ITGB8: variants seen among roughly 807,000 people sequenced by gnomAD.
The protein encoded by ITGB8 is integrin subunit beta 8.
Under a neutral mutation model 89.5 loss-of-function variants are expected in ITGB8, and 30 were observed. That is an observed-to-expected ratio of 0.34 (90% CI 0.25 to 0.45). The LOEUF (loss-of-function observed/expected upper bound fraction) is 0.45. Ranked by LOEUF, ITGB8 falls within the 20% of genes least tolerant of loss-of-function variation. The pLI, the probability that ITGB8 is intolerant of heterozygous loss-of-function variation, is 1.00. For missense variants in ITGB8, 836 were observed against 933.3 expected (o/e 0.90, Z 1.36); for synonymous variants, 335 against 320.4 (o/e 1.05, Z -0.49).
chr7:20,389,375 C>T (rs1050793849), intron 6 of ITGB8, among the ~76,000 whole-genome samples: 1 of 152,100 alleles, frequency 6.6e-6, no homozygotes, highest in East Asian at 1.9e-4. Context: ...CTCTAATGAC[C>T]ACGACTGATC....
At chr7:20,361,851 C>A (rs1785515136) in intron 1 of ITGB8, among the ~76,000 whole-genome samples, 1 of 152,156 alleles carries the variant, frequency 6.6e-6, no homozygotes, top group African/African-American at 2.4e-5. Context: ...GTAAAGGAAG[C>A]ACAAAATATT....
At chr7:20,336,835 G>A (rs1275679190) in intron 1 of ITGB8, among the ~76,000 whole-genome samples, 1 of 152,188 alleles carries the variant, frequency 6.6e-6, no homozygotes, top group Non-Finnish European at 1.5e-5. Context: ...TCTTCACAAA[G>A]TATCTGGAGT....
intron 1 of ITGB8, 67 bp downstream of exon 1, chr7:20,332,000 GCCCGGCCAGAGCAT>G: frequency 6.4e-7 from 1 of 1,567,770 alleles, no homozygotes; most frequent in Non-Finnish European, 8.6e-7. Context: ...ACGAAGAGCT[GCCCGGCCAGAGCAT>G]CCCGGCCAGG....
chr7:20,388,997 C>T (rs920879982), intron 6 of ITGB8, among the ~76,000 whole-genome samples: 32 of 152,144 alleles, frequency 2.1e-4, no homozygotes, highest in African/African-American at 6.8e-4. Context: ...CATAGTATTC[C>T]GTGGTGTATA....
chr7:20,390,925 A>G (rs77463394), intron 6 of ITGB8, among the ~76,000 whole-genome samples: 2,805 of 152,134 alleles, frequency 0.018, 36 homozygotes, highest in Non-Finnish European at 0.028. Context: ...CATGTTATAT[A>G]TCAAATGTGT....
At chr7:20,389,831 T>C (rs1786780896) in intron 6 of ITGB8, among the ~76,000 whole-genome samples, 1 of 68,230 alleles carries the variant, frequency 1.5e-5, no homozygotes, top group African/African-American at 4.4e-5. Flanking sequence ...GAATTTGTGT[T>C]TTTGGAGTTT....
intron 1 of ITGB8, among the ~76,000 whole-genome samples, chr7:20,341,102 C>A (rs565552348): frequency 1.3e-5 from 2 of 152,166 alleles, no homozygotes; most frequent in African/African-American, 4.8e-5. Context: ...ACTATTGTAG[C>A]AGAACTGCAT....
At chr7:20,359,668 GGAGA>G (rs985806452) in intron 1 of ITGB8, among the ~76,000 whole-genome samples, 3 of 143,650 alleles carry the variant, frequency 2.1e-5, no homozygotes, top group South Asian at 2.1e-4. Context: ...GGGGAGGGAA[GGAGA>G]GAGAGTGTGT....
At chr7:20,371,641 CTATAAG>C (rs1027037742) in intron 3 of ITGB8, among the ~76,000 whole-genome samples, 3 of 152,094 alleles carry the variant, frequency 2.0e-5, no homozygotes, top group African/African-American at 4.8e-5. Context: ...TCTATATAGT[CTATAAG>C]TATAACAAAG....
chr7:20,409,947 A>G lies in ITGB8; in HGVS notation c.2260A>G (p.Met754Val), dbSNP rs1394965178. Reference protein sequence around the residue: ...YRREKPEEIKMDISKLNAHET... With the variant: ...YRREKPEEIKVDISKLNAHET... Reference sequence around the variant, plus strand: ...ACGTGAGAAGCCTGAAGAAATAAAAATGGATATCAGCAAATTAAATGCTCA... The same window carrying G: ...ACGTGAGAAGCCTGAAGAAATAAAAGTGGATATCAGCAAATTAAATGCTCA... The change falls in exon 14 of 14, where the codon ATG (methionine) becomes GTG (valine). Residue 754 changes from methionine to valine, a missense_variant. Met to Val is a conservative substitution (Grantham distance 21, BLOSUM62 1). Coordinates refer to ENST00000222573, the MANE Select transcript of ITGB8 (RefSeq NM_002214.3). 1 of 1,613,510 alleles carries G rather than the reference A, an allele frequency of 6.2e-7. No homozygotes were observed. The highest frequency in any genetic ancestry group is 2.2e-5 in the East Asian group (1 of 44,892).
In ITGB8 at chr7:20,413,011, G is replaced by C. The variant is rs1787816703; in HGVS notation, c.*3014G>C. On this transcript the variant is annotated 3_prime_UTR_variant, in exon 14 of 14. Coordinates refer to ENST00000222573, the MANE Select transcript of ITGB8 (RefSeq NM_002214.3). ...ATTTTTGTGCCCTAAAGTATGTAAT[G>C]ATTTATAAATGTGCCATACATACAC... 2 of 152,278 alleles carry C rather than the reference G, an allele frequency of 1.3e-5. No homozygotes were observed. Among genetic ancestry groups the C allele is most frequent in the African/African-American group, 4.8e-5 (2 of 41,416 alleles). The allele number at this position is 152,278 out of a possible 1,614,324, so 9.4% of individuals were successfully genotyped here.
chr7:20,411,358 T>C lies in ITGB8; in HGVS notation c.*1361T>C, dbSNP rs1787755778. ...TTAGTAGAGACGGGGTTTTGCCATG[T>C]TGGACAGGTTGATCTCAAACTCCTG... On this transcript the variant is annotated 3_prime_UTR_variant, in exon 14 of 14. Coordinates refer to ENST00000222573, the MANE Select transcript of ITGB8 (RefSeq NM_002214.3). 1.3e-5 allele frequency: 2 copies of C among 152,200 alleles called. No homozygotes were observed. The highest frequency in any genetic ancestry group is 2.4e-5 in the African/African-American group (1 of 41,396). 9.4% of individuals were successfully genotyped at this position (152,200 alleles called of 1,614,324 possible). A position where few individuals can be genotyped will look rare whatever the true frequency, so the allele number is the denominator to read the frequency against.
At chr7:20,382,071 A>G (rs1412703762) in intron 6 of ITGB8, 186 bp downstream of exon 6, 5 of 464,558 alleles carry the variant, frequency 1.1e-5, no homozygotes, top group African/African-American at 1.0e-4. Flanking sequence ...AAATATATGA[A>G]TAAAACAGTT....
rs1787708907 is a variant in ITGB8 at position 20,410,131 on chromosome 7, G to A, written c.*134G>A. On this transcript the variant is annotated 3_prime_UTR_variant, in exon 14 of 14. Coordinates refer to ENST00000222573, the MANE Select transcript of ITGB8 (RefSeq NM_002214.3). Reference sequence around the variant, plus strand: ...GTTGCTGGTTGTACACTCGAACGAAGACTGACAAGTATCCTCATCATGATG... The same window carrying A: ...GTTGCTGGTTGTACACTCGAACGAAAACTGACAAGTATCCTCATCATGATG... 7.4e-6 allele frequency: 6 copies of A among 813,810 alleles called. No homozygotes were observed. Among genetic ancestry groups the A allele is most frequent in the Non-Finnish European group, 1.2e-5 (6 of 513,356 alleles). 50.4% of individuals were successfully genotyped at this position (813,810 alleles called of 1,614,324 possible). A position where few individuals can be genotyped will look rare whatever the true frequency, so the allele number is the denominator to read the frequency against.
intron 6 of ITGB8, among the ~76,000 whole-genome samples, chr7:20,382,927 TA>T (rs386711039): frequency 1.3e-5 from 2 of 152,220 alleles, no homozygotes; most frequent in African/African-American, 4.8e-5. Flanking sequence ...GAACGAAATG[TA>T]ATCTTAAAAC....
chr7:20,370,162 T>C (rs538394069), intron 3 of ITGB8, among the ~76,000 whole-genome samples: 15 of 151,962 alleles, frequency 9.9e-5, no homozygotes, highest in African/African-American at 3.1e-4. Context: ...ACCAGAGAGC[T>C]GGTTCTCTGT....
At position 20,410,754 on chromosome 7, in the gene ITGB8, A is replaced by T. The variant is rs148089892; in HGVS notation, c.*757A>T. The T allele has an allele frequency of 6.6e-6, 1 of 152,648 alleles. No homozygotes were observed. The highest frequency in any genetic ancestry group is 2.1e-4 in the South Asian group (1 of 4,834). 9.5% of individuals were successfully genotyped at this position (152,648 alleles called of 1,614,324 possible). A position where few individuals can be genotyped will look rare whatever the true frequency, so the allele number is the denominator to read the frequency against. ...ACTGCCATAAAAAACTAATAATACA[A>T]TGTCACTTTATCAGAATACTAGTTT... On this transcript the variant is annotated 3_prime_UTR_variant, in exon 14 of 14. Transcript: ENST00000222573.
In ITGB8 at chr7:20,413,713, C is replaced by G. The variant is rs1367954496; in HGVS notation, c.*3716C>G. The G allele has an allele frequency of 1.3e-5, 2 of 151,982 alleles. No individual in the cohort carries two copies. Among genetic ancestry groups the G allele is most frequent in the Non-Finnish European group, 2.9e-5 (2 of 67,936 alleles). 9.4% of individuals were successfully genotyped at this position (151,982 alleles called of 1,614,324 possible). ...TGAACAAAGACAGACCCATTAAAAT[C>G]TAAGAATTCTAAATTTTCACAACTG... On this transcript the variant is annotated 3_prime_UTR_variant, in exon 14 of 14. Transcript: ENST00000222573.
At position 20,334,462 on chromosome 7, in the gene ITGB8, T is replaced by G. The variant is rs141422682; in HGVS notation, c.127+2529T>G. Among the ~76,000 whole-genome samples, 620 of 152,292 alleles carry G rather than the reference T, an allele frequency of 4.1e-3. 3 individuals carry two copies. Among genetic ancestry groups the G allele is most frequent in the African/African-American group, 7.8e-3 (326 of 41,580 alleles). Reference sequence around the variant, plus strand: ...CTTTTAAAAAAGCGGTAACTATTATTGCAATCAAATTTCACCTTCTGTGTA... The same window carrying G: ...CTTTTAAAAAAGCGGTAACTATTATGGCAATCAAATTTCACCTTCTGTGTA... On this transcript the variant is annotated intron_variant, in intron 1 of 13. Coordinates refer to ENST00000222573, the MANE Select transcript of ITGB8 (RefSeq NM_002214.3).
Sources: gnomAD v4.1 joint callset for allele counts (sites outside exome capture counted in the v4.1 genomes callset) on GRCh38, gnomAD v4.1.1 for gene constraint, MANE v1.5 for transcripts, NCBI Gene and HGNC (gene_info 2026-07-23, HGNC 2026-07-21) for gene names.